The following ZNF407 variants were observed in gnomAD, a reference collection of about 807,000 sequenced individuals.
The protein encoded by ZNF407 is zinc finger protein 407.
A neutral mutation model predicts 131.2 loss-of-function variants in ZNF407; 17 were observed. The ratio of observed to expected loss-of-function variants is 0.13; its 90% CI spans 0.09 to 0.19. The LOEUF is 0.19. Among genes scored for constraint, ZNF407 ranks in the 10% least tolerant of loss-of-function variants. The pLI, the probability that ZNF407 is intolerant of heterozygous loss-of-function variation, is 1.00. For synonymous variants in ZNF407, 1,156 were observed against 1,062.0 expected (o/e 1.09, Z -1.72); for missense variants, 2,681 against 2,830.6 (o/e 0.95, Z 1.20).
intron 4 of ZNF407, among the ~76,000 whole-genome samples, chr18:74,872,612 C>A (rs1971102724): frequency 6.6e-6 from 1 of 151,836 alleles, no homozygotes; most frequent in South Asian, 2.1e-4. Context: ...AAAAAATTAG[C>A]CAGGCGTGGT....
chr18:75,023,597 G>A (rs1973137307), intron 8 of ZNF407, among the ~76,000 whole-genome samples: 1 of 152,178 alleles, frequency 6.6e-6, no homozygotes, highest in Non-Finnish European at 1.5e-5. Flanking sequence ...ACTGCCGACA[G>A]CTGACCACTT....
chr18:75,038,831 G>C (rs1243929431), intron 8 of ZNF407, among the ~76,000 whole-genome samples: 1 of 152,220 alleles, frequency 6.6e-6, no homozygotes, highest in Non-Finnish European at 1.5e-5. Context: ...TGTGGCAGCT[G>C]TAAAAATCCT....
chr18:74,955,645 CA>C (rs1419593084), intron 8 of ZNF407, among the ~76,000 whole-genome samples: 3 of 152,156 alleles, frequency 2.0e-5, no homozygotes, highest in Non-Finnish European at 4.4e-5. Context: ...GCAAAAATTT[CA>C]ATGAAATAAT....
chr18:74,747,945 A>T (rs1968709054), intron 3 of ZNF407, among the ~76,000 whole-genome samples: 1 of 152,152 alleles, frequency 6.6e-6, no homozygotes, highest in African/African-American at 2.4e-5. Flanking sequence ...AATGGTTTGT[A>T]ACATTGAAGA....
chr18:74,980,395 C>G (rs539565900), intron 8 of ZNF407, among the ~76,000 whole-genome samples: 1 of 152,144 alleles, frequency 6.6e-6, no homozygotes, highest in South Asian at 2.1e-4. Context: ...ACATCAGCCT[C>G]CCAGGTTCAA....
At chr18:74,843,504 A>G (rs746708946) in intron 4 of ZNF407, among the ~76,000 whole-genome samples, 1 of 152,208 alleles carries the variant, frequency 6.6e-6, no homozygotes, top group African/African-American at 2.4e-5. Context: ...AAAAATGATG[A>G]TTAAAAGTGT....
rs115961525 is a variant in ZNF407, at chr18:74,868,370, G to A, written c.4878-8827G>A. ...ATGTACTGTATCTTTCTGATCATGG[G>A]CACCTGGGAAAGATAAGGCTGCATT... On this transcript the variant is annotated intron_variant, in intron 4 of 8. Coordinates refer to ENST00000299687, the MANE Select transcript of ZNF407 (RefSeq NM_017757.3). Among the ~76,000 whole-genome samples the A allele has an allele frequency of 5.4e-3, 816 of 152,182 alleles. 6 individuals carry two copies. The highest frequency in any genetic ancestry group is 0.019 in the African/African-American group (777 of 41,496).
At chr18:74,848,740 A>G (rs1970736799) in intron 4 of ZNF407, among the ~76,000 whole-genome samples, 1 of 152,214 alleles carries the variant, frequency 6.6e-6, no homozygotes, top group South Asian at 2.1e-4. Context: ...TGAGGTTGAC[A>G]TACTTTCATG....
chr18:74,759,793 A>G (rs1437776650), intron 3 of ZNF407, among the ~76,000 whole-genome samples: 1 of 141,972 alleles, frequency 7.0e-6, no homozygotes, highest in East Asian at 2.1e-4. Context: ...TGTAGTTCTT[A>G]CTTATATTTT....
Position 74,781,514 on chromosome 18 carries a change from T to C in ZNF407, c.4877+12T>C, listed in dbSNP as rs1178104971. Reference sequence around the variant, plus strand: ...ACCCCAAAAGAAAGGTAATTTTCATTCTTTTTTTTTCATTTAAAAATACAA... The same window carrying C: ...ACCCCAAAAGAAAGGTAATTTTCATCCTTTTTTTTTCATTTAAAAATACAA... On this transcript the variant is annotated intron_variant, in intron 4 of 8. Coordinates refer to ENST00000299687, the MANE Select transcript of ZNF407 (RefSeq NM_017757.3). 2.0e-6 allele frequency: 3 copies of C among 1,494,626 alleles called. No homozygotes were observed. Among genetic ancestry groups the C allele is most frequent in the Non-Finnish European group, 2.7e-6 (3 of 1,123,636 alleles). 92.6% of individuals were successfully genotyped at this position (1,494,626 alleles called of 1,614,324 possible). A position where few individuals can be genotyped will look rare whatever the true frequency, so the allele number is the denominator to read the frequency against.
chr18:75,052,782 G>A (rs1478543530), intron 8 of ZNF407, among the ~76,000 whole-genome samples: 2 of 152,136 alleles, frequency 1.3e-5, no homozygotes, highest in African/African-American at 2.4e-5. Context: ...TGCGGCACCC[G>A]GTACACAGCT....
intron 8 of ZNF407, among the ~76,000 whole-genome samples, chr18:74,939,720 C>T (rs1034760548): frequency 6.6e-6 from 1 of 152,202 alleles, no homozygotes; most frequent in Non-Finnish European, 1.5e-5. Context: ...ATATCATCTA[C>T]AGTGTGTTGC....
intron 3 of ZNF407, among the ~76,000 whole-genome samples, chr18:74,660,241 A>G (rs1018661169): frequency 6.6e-6 from 1 of 152,136 alleles, no homozygotes; most frequent in African/African-American, 2.4e-5. Flanking sequence ...GTGGGTAAAC[A>G]TAGATTTTTT....
intron 1 of ZNF407, among the ~76,000 whole-genome samples, chr18:74,623,034 ATG>A (rs200952647): frequency 6.3e-4 from 4 of 6,322 alleles, no homozygotes; most frequent in East Asian, 8.2e-3. Context: ...GTGTGAGTGC[ATG>A]TGTGTGTGAA....
intron 4 of ZNF407, among the ~76,000 whole-genome samples, chr18:74,853,995 A>T (rs546599202): frequency 4.1e-4 from 62 of 152,306 alleles, no homozygotes; most frequent in African/African-American, 1.1e-3. Context: ...TTTATTGATC[A>T]TTTAGTTTCC....
chr18:74,741,544 G>T (rs1055414087), intron 3 of ZNF407, among the ~76,000 whole-genome samples: 2 of 151,996 alleles, frequency 1.3e-5, no homozygotes, highest in Non-Finnish European at 2.9e-5. Context: ...TGAAAGGATG[G>T]TGTTCTATGT....
At chr18:74,784,731 T>C (rs990055451) in intron 4 of ZNF407, among the ~76,000 whole-genome samples, 1 of 152,364 alleles carries the variant, frequency 6.6e-6, no homozygotes, top group East Asian at 1.9e-4. Flanking sequence ...TTTAAATGAG[T>C]AATTCTCTTT....
chr18:74,910,013 C>G (rs1281927587), intron 7 of ZNF407, among the ~76,000 whole-genome samples: 1 of 152,106 alleles, frequency 6.6e-6, no homozygotes, highest in Admixed American at 6.5e-5. Flanking sequence ...ATGTGGAGTT[C>G]ATGACTTACT....
intron 3 of ZNF407, among the ~76,000 whole-genome samples, chr18:74,699,827 T>G (rs1018253041): frequency 1.3e-5 from 2 of 152,244 alleles, no homozygotes; most frequent in Non-Finnish European, 2.9e-5. Flanking sequence ...ACATAGATTT[T>G]CTAACATCTT....
Sources: gnomAD v4.1 joint callset for allele counts (sites outside exome capture counted in the v4.1 genomes callset) on GRCh38, gnomAD v4.1.1 for gene constraint, MANE v1.5 for transcripts, NCBI Gene and HGNC (gene_info 2026-07-23, HGNC 2026-07-21) for gene names.